Variants in DST observed in about 807,000 individuals in gnomAD.
DST encodes bullous pemphigoid antigen.
Under a neutral mutation model 875.2 loss-of-function variants are expected in DST, and 253 were observed. That is an observed-to-expected ratio of 0.29 (90% CI 0.26 to 0.32). DST has a LOEUF of 0.32. Ranked by LOEUF, DST falls within the 10% of genes least tolerant of loss-of-function variation. The probability of loss-of-function intolerance (pLI) is 1.00; values close to 1 mark genes in which losing one functional copy is unlikely to be tolerated. For missense variants in DST, 8,287 were observed against 9,111.6 expected (o/e 0.91, Z 3.68); for synonymous variants, 3,124 against 3,197.1 (o/e 0.98, Z 0.77).
chr6:56,867,757 C>T (rs775760497), intron 3 of DST, among the ~76,000 whole-genome samples: 2 of 151,732 alleles, frequency 1.3e-5, no homozygotes, highest in East Asian at 1.9e-4. Context: ...CACTTGAACC[C>T]GGGTGGCAGA....
intron 5 of DST, among the ~76,000 whole-genome samples, chr6:56,711,973 C>A (rs986372251): frequency 2.7e-5 from 4 of 149,702 alleles, no homozygotes; most frequent in Non-Finnish European, 6.0e-5. Context: ...CGCCTGTAGT[C>A]CCAGCTACTC....
intron 23 of DST, 35 bp downstream of exon 23, chr6:56,636,522 T>C (rs1306513518): frequency 2.6e-6 from 4 of 1,552,392 alleles, no homozygotes; most frequent in African/African-American, 1.4e-5. Context: ...AAAATCACAA[T>C]ACCATCTATT....
chr6:56,812,178 T>C (rs1380372108), intron 4 of DST, among the ~76,000 whole-genome samples: 1 of 139,336 alleles, frequency 7.2e-6, no homozygotes, highest in Non-Finnish European at 1.6e-5. Context: ...TGGCAACTGA[T>C]ATAAATCTGA....
chr6:56,579,818 G>GA (rs1256302971), intron 49 of DST, among the ~76,000 whole-genome samples: 1 of 152,214 alleles, frequency 6.6e-6, no homozygotes, highest in Non-Finnish European at 1.5e-5. Flanking sequence ...TAGCAATGGG[G>GA]AGTTATGCAG....
At chr6:56,634,011 A>T in intron 27 of DST, 121 bp downstream of exon 27, 1 of 1,162,306 alleles carries the variant, frequency 8.6e-7, no homozygotes, top group South Asian at 1.2e-5. Flanking sequence ...TGAATAAATG[A>T]ATATTAGCAT....
At chr6:56,949,649 G>T (rs948355915) in intron 2 of DST, among the ~76,000 whole-genome samples, 2 of 152,180 alleles carry the variant, frequency 1.3e-5, no homozygotes, top group African/African-American at 2.4e-5. Flanking sequence ...GACACTCAGT[G>T]AATACTACAT....
At position 56,651,221 on chromosome 6, in the gene DST, G is replaced by C; in HGVS notation, c.1238C>G (p.Thr413Ser). 1.9e-6 allele frequency: 3 copies of C among 1,608,666 alleles called. No homozygotes were observed. The highest frequency in any genetic ancestry group is 2.5e-6 in the Non-Finnish European group (3 of 1,177,200). The change falls in exon 11 of 104, where the codon ACT (threonine) becomes AGT (serine). Residue 413 changes from threonine (T) to serine (S), a missense_variant. This residue lies in a region of DST where 1,160 missense variants were observed against 1,424.3 expected (regional missense o/e 0.81). Coordinates refer to ENST00000680361, the MANE Select transcript of DST (RefSeq NM_001374736.1). ...KYRPDLIDMN[T>S]VAVQSNLANL... is the part of the protein sequence containing the mutation. ...TGCAAGGTTGCTTTGAACAGCAACA[G>C]TATTCATATCTATCAGGTCCGGCCT...
chr6:56,640,017 C>G lies in DST; in HGVS notation c.2531G>C (p.Ser844Thr). Residue 844 changes from serine to threonine, a missense_variant, in exon 19 of 104, where the codon AGT (serine) becomes ACT (threonine). Ser to Thr is a moderately conservative substitution (Grantham distance 58). This residue lies in a region of DST where 1,160 missense variants were observed against 1,424.3 expected (regional missense o/e 0.81). Transcript: ENST00000680361. ...DRTEWGSDLP[S>T]VESHLENHKN... The stretch of plus-strand genomic sequence containing the variant: ...ATGATTTTCTAAATGGCTTTCAACA[C>G]TTGGCAAATCTGAGCCCCACTCAGT... The G allele has an allele frequency of 6.2e-7, 1 of 1,614,072 alleles. No homozygotes were observed. The highest frequency in any genetic ancestry group is 8.5e-7 in the Non-Finnish European group (1 of 1,179,974).
intron 4 of DST, among the ~76,000 whole-genome samples, chr6:56,814,702 T>C (rs1018134072): frequency 6.6e-6 from 1 of 152,054 alleles, no homozygotes; most frequent in Non-Finnish European, 1.5e-5. Context: ...GAAAATGAAC[T>C]CTCTACTCTT....
chr6:56,745,591 CA>C (rs1043585327), intron 4 of DST, among the ~76,000 whole-genome samples: 164 of 151,240 alleles, frequency 1.1e-3, no homozygotes, highest in African/African-American at 3.8e-3. Context: ...AGTCATGAAC[CA>C]AAAAAAACTA....
At chr6:56,879,126 T>C (rs1483832978) in intron 3 of DST, among the ~76,000 whole-genome samples, 1 of 152,168 alleles carries the variant, frequency 6.6e-6, no homozygotes, top group Non-Finnish European at 1.5e-5. Flanking sequence ...TCTTCCCACC[T>C]TCTCAGACAC....
chr6:56,713,648 T>G (rs939230948), intron 5 of DST, among the ~76,000 whole-genome samples: 4 of 151,962 alleles, frequency 2.6e-5, no homozygotes, highest in African/African-American at 9.7e-5. Flanking sequence ...CAGCCAGGAG[T>G]GCAGACACCT....
At chr6:56,651,270 T>C (rs2098974258) in intron 10 of DST, 26 bp from the exon 11 acceptor site, 2 of 1,456,444 alleles carry the variant, frequency 1.4e-6, no homozygotes, top group South Asian at 1.2e-5. Context: ...CTGTGTTAAT[T>C]AGGTTTTCTC....
chr6:56,641,444 C>CT (rs2098900641), intron 17 of DST, among the ~76,000 whole-genome samples: 1 of 151,958 alleles, frequency 6.6e-6, no homozygotes, highest in Non-Finnish European at 1.5e-5. Flanking sequence ...AAAAATTAGC[C>CT]AGGTGTGGTG....
chr6:56,808,694 A>G (rs2099756242), intron 4 of DST, among the ~76,000 whole-genome samples: 1 of 152,226 alleles, frequency 6.6e-6, no homozygotes, highest in East Asian at 1.9e-4. Flanking sequence ...TTGATTTCCC[A>G]CAACTAGTAA....
intron 4 of DST, among the ~76,000 whole-genome samples, chr6:56,818,267 A>T (rs1475750131): frequency 1.3e-5 from 2 of 152,094 alleles, no homozygotes; most frequent in African/African-American, 2.4e-5. Context: ...CAATTTTTTT[A>T]AAAAAACAAG....
At chr6:56,775,097 A>G (rs2099675989) in intron 4 of DST, among the ~76,000 whole-genome samples, 2 of 152,160 alleles carry the variant, frequency 1.3e-5, no homozygotes, top group Admixed American at 6.5e-5. Flanking sequence ...GTAGAGTGTA[A>G]TAAGTTTTGA....
intron 4 of DST, among the ~76,000 whole-genome samples, chr6:56,817,871 A>G (rs2099768430): frequency 6.6e-6 from 1 of 152,182 alleles, no homozygotes. Context: ...GGGACTTTGC[A>G]AATACGATTA....
chr6:56,482,660 G>T, intron 89 of DST, 23 bp downstream of exon 89: 5 of 1,600,250 alleles, frequency 3.1e-6, no homozygotes, highest in Non-Finnish European at 4.3e-6. Flanking sequence ...ATTACACCCA[G>T]CTCTCATTTA....
Sources: gnomAD v4.1 joint callset for allele counts (sites outside exome capture counted in the v4.1 genomes callset) on GRCh38, gnomAD v4.1.1 for gene constraint, gnomAD v4.1.1 regional missense constraint, MANE v1.5 for transcripts, NCBI Gene and HGNC (gene_info 2026-07-23, HGNC 2026-07-21) for gene names.